The following CPZ variants were observed in gnomAD, a reference collection of about 807,000 sequenced individuals.
The protein encoded by CPZ is carboxypeptidase Z, also known as VEZT/CPZ fusion.
CPZ carries 103 observed loss-of-function variants against 61.8 expected under a neutral mutation model. That is an observed-to-expected ratio of 1.67 (90% confidence interval 1.42 to 1.96). The LOEUF (loss-of-function observed/expected upper bound fraction) is 1.96, where lower values mean the gene tolerates loss of function less well. Ranked by LOEUF, CPZ falls within the 30% of genes most tolerant of loss-of-function variation. The pLI, the probability that CPZ is intolerant of heterozygous loss-of-function variation, is 0.00. For synonymous variants in CPZ, 551 were observed against 373.7 expected, an observed-to-expected ratio of 1.47 and a Z score of -5.47; for missense variants, 1,461 against 914.9, an observed-to-expected ratio of 1.60 and a Z score of -7.70.
In CPZ at chr4:8,619,611, G is replaced by C. The variant is rs750639484; in HGVS notation, c.1953G>C (p.Lys651Asn). The C allele has an allele frequency of 6.0e-5, 89 of 1,495,582 alleles. No homozygotes were observed. The highest frequency in any genetic ancestry group is 7.2e-5 in the Non-Finnish European group (81 of 1,124,008). The allele number at this position is 1,495,582 out of a possible 1,614,324, so 92.6% of individuals were successfully genotyped here. The change falls in exon 11 of 11, where the codon AAG (lysine) becomes AAC (asparagine). Residue 651 changes from lysine (K) to asparagine (N), a missense_variant. Physicochemically the swap from Lys to Asn is moderately conservative, Grantham distance 94. Transcript: ENST00000360986. ...CCCACAGGCCACGCTGGCTGCTCAA[G>C]TACTAGCCCCGGCCCCAGCACCCGC... ...LSTHRPRWLL[K>N]Y
chr4:8,613,258 A>T (rs905517725), intron 8 of CPZ, among the ~76,000 whole-genome samples: 18 of 151,510 alleles, frequency 1.2e-4, no homozygotes, highest in Non-Finnish European at 2.5e-4. Context: ...CAGCCTCCCG[A>T]GTAGCTGGGA....
intron 8 of CPZ, among the ~76,000 whole-genome samples, chr4:8,613,465 G>C (rs981203880): frequency 1.2e-4 from 18 of 152,192 alleles, no homozygotes; most frequent in Non-Finnish European, 1.5e-5. Context: ...CCCTGGGAAA[G>C]CATGAAGCCG....
chr4:8,595,504 TA>T (rs2109309861), intron 1 of CPZ, among the ~76,000 whole-genome samples: 1 of 152,184 alleles, frequency 6.6e-6, no homozygotes, highest in African/African-American at 2.4e-5. Flanking sequence ...CCCCGTGTGG[TA>T]AGGGGCAAAA....
At chr4:8,611,947 G>A (rs1205080574) in intron 7 of CPZ, 80 bp from the exon 8 acceptor site, 2 of 1,602,512 alleles carry the variant, frequency 1.2e-6, no homozygotes, top group African/African-American at 2.7e-5. Context: ...TGCACGCGCA[G>A]CTCCTCCCCT....
intron 10 of CPZ, 60 bp downstream of exon 10, chr4:8,618,588 G>C (rs1716412721): frequency 1.3e-6 from 2 of 1,513,432 alleles, no homozygotes; most frequent in African/African-American, 2.7e-5. Context: ...GCCACACCGT[G>C]GCAGCCGGCA....
In CPZ at chr4:8,619,543, G is replaced by A. The variant is rs202089730; in HGVS notation, c.1885G>A (p.Gly629Arg). ...GGCGCGCAGGCAGCCCTCGGCCGAC[G>A]GGAGTAAGCCCTGGTGGTGGTCCTA... is the stretch of plus-strand genomic sequence containing the variant. ...LRARRQPSAD[G>R]SKPWWWSYFT... The change falls in exon 11 of 11, where the codon GGG (glycine) becomes AGG (arginine). Residue 629 changes from glycine (G) to arginine (R), a missense_variant. Transcript: ENST00000360986. The A allele has an allele frequency of 1.1e-4, 166 of 1,570,610 alleles. 1 individual carries two copies. In the Admixed American group the frequency reaches 1.9e-3, roughly 18 times the overall value.
At chr4:8,611,255 G>C (rs866636103) in intron 7 of CPZ, 1 of 456,130 alleles carries the variant, frequency 2.2e-6, no homozygotes, top group Non-Finnish European at 4.4e-6. Context: ...GACCCACCAG[G>C]AGCCTCTGCC....
intron 7 of CPZ, 108 bp from the exon 8 acceptor site, chr4:8,611,919 A>C: frequency 6.8e-7 from 1 of 1,463,536 alleles, no homozygotes; most frequent in East Asian, 2.4e-5. Context: ...CCCCTCTCCT[A>C]TCTGCAATGC....
chr4:8,614,648 A>G (rs1361503355), intron 9 of CPZ, 150 bp downstream of exon 9: 4 of 810,668 alleles, frequency 4.9e-6, no homozygotes, highest in East Asian at 2.8e-5. Context: ...ACTGTCCACC[A>G]TGCACAACTT....
chr4:8,611,398 T>G, intron 7 of CPZ: 1 of 424,182 alleles, frequency 2.4e-6, no homozygotes, highest in Non-Finnish European at 4.9e-6. Context: ...GGACCCAGGA[T>G]CCCAGCCACA....
rs1187871282 is a variant in CPZ, at chr4:8,612,042, T to C, written c.1243T>C (p.Ser415Pro). ...TPDEKMFKLL[S>P]RAYADVHPMM... Reference sequence around the variant, plus strand: ...TCTTTTCCAGATGTTCAAGCTGCTGTCCAGAGCCTACGCTGACGTCCACCC... The same window carrying C: ...TCTTTTCCAGATGTTCAAGCTGCTGCCCAGAGCCTACGCTGACGTCCACCC... Residue 415 changes from serine (S) to proline (P), a missense_variant, in exon 8 of 11, where the codon TCC becomes CCC. Physicochemically the swap from Ser to Pro is moderately conservative, Grantham distance 74. Transcript: ENST00000360986. 3 of 1,613,972 alleles carry C rather than the reference T, an allele frequency of 1.9e-6. No homozygotes were observed. Among genetic ancestry groups the C allele is most frequent in the South Asian group, 2.2e-5 (2 of 91,080 alleles).
At chr4:8,616,978 T>C (rs4351000) in intron 9 of CPZ, among the ~76,000 whole-genome samples, 11,100 of 152,154 alleles carry the variant, frequency 0.073, 548 homozygotes, top group South Asian at 0.15. Flanking sequence ...GTGCTCTGGG[T>C]TCCCGAGATC....
In CPZ at chr4:8,601,139, G is replaced by A. The variant is rs761182674; in HGVS notation, c.138G>A (p.Leu46=). The change falls in exon 3 of 11, where the codon CTG becomes CTA. Residue 46 remains leucine, a synonymous_variant. Transcript: ENST00000360986. ...CCTCCCCAGCCACCTGCGTGGACCT[G>A]CAGCTCAGGACCTGCAGCGATGCCG... ...PAADSATCVD[L]QLRTCSDAAY... The A allele has an allele frequency of 8.9e-6, 14 of 1,578,040 alleles. No individual in the cohort carries two copies. In the South Asian group the frequency reaches 1.2e-4, roughly 13 times the overall value.
chr4:8,597,901 C>A (rs12501979), intron 1 of CPZ, among the ~76,000 whole-genome samples: 1 of 152,132 alleles, frequency 6.6e-6, no homozygotes, highest in Non-Finnish European at 1.5e-5. Flanking sequence ...GCCACTTGCC[C>A]GGGGCCCCCG....
intron 1 of CPZ, among the ~76,000 whole-genome samples, chr4:8,596,361 A>C (rs1714177870): frequency 6.6e-6 from 1 of 152,208 alleles, no homozygotes; most frequent in Non-Finnish European, 1.5e-5. Flanking sequence ...TTGTTGATTT[A>C]ACCTAAGCAT....
At chr4:8,601,637 C>T (rs953302239) in intron 3 of CPZ, 140 bp downstream of exon 3, 21 of 926,978 alleles carry the variant, frequency 2.3e-5, no homozygotes, top group Admixed American at 1.4e-4. Context: ...GGCTGCTCCC[C>T]GAGGCAGCAT....
intron 9 of CPZ, among the ~76,000 whole-genome samples, chr4:8,617,798 G>T (rs1420271578): frequency 2.0e-5 from 3 of 152,166 alleles, no homozygotes; most frequent in Non-Finnish European, 2.9e-5. Flanking sequence ...CGTGTGGGTG[G>T]TTTGTCATCA....
At chr4:8,617,187 G>A (rs1476314242) in intron 9 of CPZ, among the ~76,000 whole-genome samples, 1 of 152,228 alleles carries the variant, frequency 6.6e-6, no homozygotes, top group Admixed American at 6.5e-5. Flanking sequence ...GTCAGCCGCG[G>A]TGGGATTAGA....
chr4:8,609,346 C>CAA (rs1337173417), intron 7 of CPZ, among the ~76,000 whole-genome samples: 24 of 152,278 alleles, frequency 1.6e-4, no homozygotes, highest in Middle Eastern at 3.4e-3. Flanking sequence ...CTCACTCATT[C>CAA]TCTCATTCAT....
Sources: gnomAD v4.1 joint callset for allele counts (sites outside exome capture counted in the v4.1 genomes callset) on GRCh38, gnomAD v4.1.1 for gene constraint, MANE v1.5 for transcripts, NCBI Gene and HGNC (gene_info 2026-07-23, HGNC 2026-07-21) for gene names.